RMND5B: variants seen among roughly 807,000 people sequenced by gnomAD.
RMND5B encodes E3 ubiquitin-protein transferase RMND5B.
A neutral mutation model predicts 50.4 loss-of-function variants in RMND5B; 42 were observed. That is an observed-to-expected ratio of 0.83 (90% confidence interval 0.65 to 1.08). RMND5B has a LOEUF of 1.08. Ranked by LOEUF, RMND5B falls within the 50% of genes least tolerant of loss-of-function variation. The pLI is 0.00. For missense variants in RMND5B, 463 were observed against 508.5 expected, an observed-to-expected ratio of 0.91 and a Z score of 0.86; for synonymous variants, 220 against 210.0, an observed-to-expected ratio of 1.05 and a Z score of -0.41.
At position 178,149,056 on chromosome 5, in the gene RMND5B, C is replaced by CG. The variant is rs1439555921; in HGVS notation, c.*1029dup. ...GGCCATTATGTTAAGCAAGAGAGCTCGGGGGAATGCATTTTAGCTTCATAT... is the reference window on the plus strand; with the variant it reads ...GGCCATTATGTTAAGCAAGAGAGCTCGGGGGGAATGCATTTTAGCTTCATAT... On this transcript the variant is annotated 3_prime_UTR_variant, in exon 11 of 11. Transcript: ENST00000313386. The CG allele has an allele frequency of 6.6e-6, 1 of 152,340 alleles. No individual in the cohort carries two copies. The highest frequency in any genetic ancestry group is 6.5e-5 in the Admixed American group (1 of 15,278). 9.4% of individuals were successfully genotyped at this position (152,340 alleles called of 1,614,324 possible). A position where few individuals can be genotyped will look rare whatever the true frequency, so the allele number is the denominator to read the frequency against.
intron 3 of RMND5B, among the ~76,000 whole-genome samples, chr5:178,140,355 T>TA (rs1758859404): frequency 1.3e-5 from 2 of 150,828 alleles, no homozygotes; most frequent in East Asian, 2.0e-4. Context: ...TTTTTTTTTT[T>TA]ATTGTAGAGA....
In RMND5B at chr5:178,142,660, C is replaced by A. The variant is rs138845509; in HGVS notation, c.217C>A (p.Gln73Lys). Residue 73 changes from glutamine (Q) to lysine (K), a missense_variant, in exon 4 of 11, where the codon CAG (glutamine) becomes AAG (lysine). Gln to Lys is a moderately conservative substitution (Grantham distance 53, BLOSUM62 1). Transcript: ENST00000313386. ...QCCRKIKDTV[Q>K]KLASDHKDIH... ...CTGCCGGAAGATCAAAGATACGGTG[C>A]AGAAACTGGCTTCGGACCATAAGGA... 1 of 1,614,224 alleles carries A rather than the reference C, an allele frequency of 6.2e-7. No individual in the cohort carries two copies.
Position 178,137,784 on chromosome 5 carries a change from T to A in RMND5B, c.-12-324T>A, listed in dbSNP as rs951133394. On this transcript the variant is annotated intron_variant, in intron 2 of 10. Coordinates refer to ENST00000313386, the MANE Select transcript of RMND5B (RefSeq NM_022762.5). This position sits in a 1 kb window ranked among gnomAD's most constrained non-coding sequence, Gnocchi z 4.4. ...CAGCTAAGGGCTCTGTGAGGCCTGCTCTCTATTCTGATTTAAAAGGGAGAT... is the reference window on the plus strand; with the variant it reads ...CAGCTAAGGGCTCTGTGAGGCCTGCACTCTATTCTGATTTAAAAGGGAGAT... Among the ~76,000 whole-genome samples the A allele has an allele frequency of 6.6e-6, 1 of 152,146 alleles. No homozygotes were observed. The highest frequency in any genetic ancestry group is 2.4e-5 in the African/African-American group (1 of 41,410).
rs528816791 is a variant in RMND5B at position 178,147,475 on chromosome 5, C to T, written c.861-58C>T. 6 of 1,410,016 alleles carry T rather than the reference C, an allele frequency of 4.3e-6. No homozygotes were observed. In the African/African-American group the frequency reaches 8.5e-5, roughly 20 times the overall value. 87.3% of individuals were successfully genotyped at this position (1,410,016 alleles called of 1,614,324 possible). ...TCCATGCTGAAGCATGGCGCGCTGG[C>T]CCTTTTTGCCTGTCTGCTGTGATCT... On this transcript the variant is annotated intron_variant, in intron 8 of 10. Transcript: ENST00000313386.
Position 178,148,266 on chromosome 5 carries a change from G to A in RMND5B, c.*234G>A. On this transcript the variant is annotated 3_prime_UTR_variant, in exon 11 of 11. Transcript: ENST00000313386. ...AGGAAAGGGAGATGCTGGCCTCTGT[G>A]CTCCTGCTGTCTTTTCCTGTTTCTG... 1 of 584,996 alleles carries A rather than the reference G, an allele frequency of 1.7e-6. No homozygotes were observed. The highest frequency in any genetic ancestry group is 3.1e-6 in the Non-Finnish European group (1 of 327,850). 36.2% of individuals were successfully genotyped at this position (584,996 alleles called of 1,614,324 possible). A position where few individuals can be genotyped will look rare whatever the true frequency, so the allele number is the denominator to read the frequency against.
chr5:178,142,321 A>G, intron 3 of RMND5B: 1 of 464,654 alleles, frequency 2.2e-6, no homozygotes, highest in Admixed American at 3.9e-5. Context: ...GTGCCAGATC[A>G]TCTTCATTTC....
rs73804716 is a variant in RMND5B, at chr5:178,148,567, T to C, written c.*535T>C. On this transcript the variant is annotated 3_prime_UTR_variant, in exon 11 of 11. Transcript: ENST00000313386. ...ACAAATGTATTTACTGCCCTTCTCA[T>C]TTCTCCTGGCCAACCTTTAGCCTCA... 7.6e-3 allele frequency: 1,224 copies of C among 160,978 alleles called. 19 individuals are homozygous for C. The highest frequency in any genetic ancestry group is 0.029 in the African/African-American group (1,188 of 41,680). The allele number at this position is 160,978 out of a possible 1,614,324, so 10.0% of individuals were successfully genotyped here. A position where few individuals can be genotyped will look rare whatever the true frequency, so the allele number is the denominator to read the frequency against.
Position 178,138,240 on chromosome 5 carries a change from G to C in RMND5B, c.121G>C (p.Ala41Pro). 6.2e-7 allele frequency: 1 copy of C among 1,613,542 alleles called. No individual in the cohort carries two copies. Among genetic ancestry groups the C allele is most frequent in the South Asian group, 1.1e-5 (1 of 91,018 alleles). ...ELLHYVGQLR[A>P]ELASAALQGT... ...GCTGCACTACGTGGGCCAGCTGCGG[G>C]CTGAGCTGGCCAGCGCAGGTGGGTG... is the stretch of plus-strand genomic sequence containing the variant. Residue 41 changes from alanine (A) to proline (P), a missense_variant, in exon 3 of 11, where the codon GCT (alanine) becomes CCT (proline). Ala to Pro is a conservative substitution (Grantham distance 27, BLOSUM62 -1). Coordinates refer to ENST00000313386, the MANE Select transcript of RMND5B (RefSeq NM_022762.5). The surrounding 1 kb of genome is among the most constrained non-coding windows in gnomAD (Gnocchi z 5.1).
In RMND5B at chr5:178,143,004, C is replaced by T. The variant is rs778914783; in HGVS notation, c.426+12C>T. Reference sequence around the variant, plus strand: ...AGGAGCTGTGCCAGGTACAGTCGGGCTGGGCGGGCGCAACAACCTGCCTGC... The same window carrying T: ...AGGAGCTGTGCCAGGTACAGTCGGGTTGGGCGGGCGCAACAACCTGCCTGC... On this transcript the variant is annotated intron_variant, in intron 5 of 10. Coordinates refer to ENST00000313386, the MANE Select transcript of RMND5B (RefSeq NM_022762.5). The T allele has an allele frequency of 2.5e-6, 4 of 1,605,488 alleles. No individual in the cohort carries two copies. The highest frequency in any genetic ancestry group is 3.4e-6 in the Non-Finnish European group (4 of 1,174,696).
At position 178,146,387 on chromosome 5, in the gene RMND5B, C is replaced by T. The variant is rs1213109336; in HGVS notation, c.860+108C>T. On this transcript the variant is annotated intron_variant, in intron 8 of 10. Transcript: ENST00000313386. ...GAACAGTGCTCGGTGCTTTCAGAGA[C>T]CGAAACTGGCTTTCTTAGTCATTCT... 8.9e-6 allele frequency: 9 copies of T among 1,016,812 alleles called. No homozygotes were observed. In the East Asian group the frequency reaches 2.3e-4, roughly 26 times the overall value. 63.0% of individuals were successfully genotyped at this position (1,016,812 alleles called of 1,614,324 possible). A position where few individuals can be genotyped will look rare whatever the true frequency, so the allele number is the denominator to read the frequency against.
At chr5:178,133,238 C>A (rs1292140769) in intron 2 of RMND5B, among the ~76,000 whole-genome samples, 1 of 152,106 alleles carries the variant, frequency 6.6e-6, no homozygotes, top group Non-Finnish European at 1.5e-5. Flanking sequence ...ACACAGGAGC[C>A]CCTTGTTTCA....
At chr5:178,146,093 C>T (rs200794085) in intron 7 of RMND5B, 21 bp from the exon 8 acceptor site, 56 of 1,612,792 alleles carry the variant, frequency 3.5e-5, no homozygotes, top group Middle Eastern at 1.7e-4. Flanking sequence ...CCCTGAGCTG[C>T]CCCCTCTGGT....
chr5:178,139,326 T>G (rs1241491002), intron 3 of RMND5B, among the ~76,000 whole-genome samples: 1 of 150,950 alleles, frequency 6.6e-6, no homozygotes, highest in Non-Finnish European at 1.5e-5. Context: ...GTGCCTCAGC[T>G]TCCCGAGTAG....
rs549732422 is a variant in RMND5B, at chr5:178,137,523, C to T, written c.-12-585C>T. On this transcript the variant is annotated intron_variant, in intron 2 of 10. Transcript: ENST00000313386. The surrounding 1 kb of genome is among the most constrained non-coding windows in gnomAD (Gnocchi z 4.4). The stretch of plus-strand genomic sequence containing the variant: ...GGCAACACAGAGAGACCCGTCTCTA[C>T]GAAAAAAAATTTTAAATTAGACAGG... 8.6e-5 allele frequency among the ~76,000 whole-genome samples: 13 copies of T among 151,612 alleles called. No individual in the cohort carries two copies. In the South Asian group the frequency reaches 1.9e-3, roughly 22 times the overall value.
Position 178,144,966 on chromosome 5 carries a change from G to C in RMND5B, c.694+858G>C, listed in dbSNP as rs73349889. On this transcript the variant is annotated intron_variant, in intron 7 of 10. Transcript: ENST00000313386. ...CACCTATGCTTACAAGTAGTAACCT[G>C]TACTAACTTGTTTTTTTAGTTCCAC... Among the ~76,000 whole-genome samples, 1,096 of 152,218 alleles carry C rather than the reference G, an allele frequency of 7.2e-3. 19 individuals carry two copies. Among genetic ancestry groups the C allele is most frequent in the African/African-American group, 0.025 (1,035 of 41,530 alleles).
Position 178,148,435 on chromosome 5 carries a change from C to A in RMND5B, c.*403C>A, listed in dbSNP as rs1363361153. Reference sequence around the variant, plus strand: ...CCCTTGCCCCTCGGCCCAAGAGTGTCCAGCGGTGGCCCACCTCTTCCTCCC... The same window carrying A: ...CCCTTGCCCCTCGGCCCAAGAGTGTACAGCGGTGGCCCACCTCTTCCTCCC... On this transcript the variant is annotated 3_prime_UTR_variant, in exon 11 of 11. Transcript: ENST00000313386. 7.2e-6 allele frequency: 2 copies of A among 276,258 alleles called. No individual in the cohort carries two copies. The highest frequency in any genetic ancestry group is 1.9e-4 in the East Asian group (2 of 10,810). The allele number at this position is 276,258 out of a possible 1,614,324, so 17.1% of individuals were successfully genotyped here. A position where few individuals can be genotyped will look rare whatever the true frequency, so the allele number is the denominator to read the frequency against.
intron 8 of RMND5B, 161 bp from the exon 9 acceptor site, chr5:178,147,372 T>C (rs1375826469): frequency 6.5e-6 from 4 of 617,610 alleles, no homozygotes; most frequent in East Asian, 2.8e-5. Flanking sequence ...TAAGTACATA[T>C]GTGACATCTT....
intron 8 of RMND5B, chr5:178,146,989 A>G (rs1561640482): frequency 6.3e-6 from 1 of 159,038 alleles, no homozygotes. Context: ...TCCCAGCAAG[A>G]ACAACATCAG....
chr5:178,133,171 C>G (rs969355727), intron 2 of RMND5B, among the ~76,000 whole-genome samples: 7 of 152,018 alleles, frequency 4.6e-5, no homozygotes, highest in Admixed American at 2.0e-4. Flanking sequence ...CCGATGTTGT[C>G]TAATCTTTGT....
Sources: allele counts gnomAD v4.1 joint callset (sites outside exome capture counted in the v4.1 genomes callset), GRCh38; gene constraint gnomAD v4.1.1; non-coding constraint Gnocchi (gnomAD v3.1); transcripts MANE v1.5; gene names NCBI Gene and HGNC (gene_info 2026-07-23, HGNC 2026-07-21).